Variants in COL24A1 observed in about 807,000 individuals in gnomAD.
The protein encoded by COL24A1 is collagen type XXIV alpha 1 chain.
Under a neutral mutation model 253.9 loss-of-function variants are expected in COL24A1, and 224 were observed. That is an observed-to-expected ratio of 0.88 (90% CI 0.79 to 0.99). The LOEUF is 0.99. Ranked by LOEUF, COL24A1 falls within the 50% of genes least tolerant of loss-of-function variation. COL24A1 has a pLI of 0.00. For synonymous variants in COL24A1, 685 were observed against 673.7 expected (o/e 1.02, Z -0.26); for missense variants, 2,131 against 2,068.5 (o/e 1.03, Z -0.59).
At chr1:86,135,353 A>C (rs1168862368) in intron 2 of COL24A1, among the ~76,000 whole-genome samples, 4 of 152,090 alleles carry the variant, frequency 2.6e-5, no homozygotes, top group Non-Finnish European at 5.9e-5. Flanking sequence ...ATTTACACTT[A>C]AGATTAATAT....
chr1:85,820,540 G>C (rs964719419), intron 45 of COL24A1, among the ~76,000 whole-genome samples: 1 of 152,224 alleles, frequency 6.6e-6, no homozygotes, highest in East Asian at 1.9e-4. Flanking sequence ...TGGGCCAAAA[G>C]TGATGATGTG....
chr1:85,961,305 G>T lies in COL24A1; in HGVS notation c.2518-12C>A, dbSNP rs1691036713. 1.9e-6 allele frequency: 3 copies of T among 1,595,000 alleles called. No individual in the cohort carries two copies. The highest frequency in any genetic ancestry group is 4.5e-5 in the East Asian group (2 of 44,348). ...TCTCCTACTTCTCCCTGTCAAAAAA[G>T]AATATAAAGTTGCAAAAACAGTTAT... On this transcript the variant is annotated splice_polypyrimidine_tract_variant and intron_variant, in intron 23 of 59. Coordinates refer to ENST00000370571, the MANE Select transcript of COL24A1 (RefSeq NM_152890.7).
intron 52 of COL24A1, among the ~76,000 whole-genome samples, chr1:85,776,358 A>C (rs866854780): frequency 6.6e-6 from 1 of 152,076 alleles, no homozygotes; most frequent in Non-Finnish European, 1.5e-5. Flanking sequence ...GGCCCATAAC[A>C]TCTTCTATTT....
intron 10 of COL24A1, among the ~76,000 whole-genome samples, chr1:86,051,591 G>A (rs751995557): frequency 6.6e-6 from 1 of 151,980 alleles, no homozygotes; most frequent in Non-Finnish European, 1.5e-5. Context: ...GGGTGGCAAG[G>A]GGTCATGTCA....
chr1:86,097,620 CTTCTTT>C (rs1438370718), intron 5 of COL24A1, among the ~76,000 whole-genome samples: 1 of 125,036 alleles, frequency 8.0e-6, no homozygotes, highest in Non-Finnish European at 1.7e-5. Context: ...CCTCCTCCTT[CTTCTTT>C]TTCTTATTCT....
At chr1:86,117,608 T>G (rs1706278073) in intron 3 of COL24A1, among the ~76,000 whole-genome samples, 1 of 152,226 alleles carries the variant, frequency 6.6e-6, no homozygotes, top group African/African-American at 2.4e-5. Context: ...AAGCACTAAA[T>G]TAAAATCAAT....
In COL24A1 at chr1:85,938,847, C is replaced by A. The variant is rs1481521360; in HGVS notation, c.2562+22402G>T. Among the ~76,000 whole-genome samples, 5 of 118,034 alleles carry A rather than the reference C, an allele frequency of 4.2e-5. 1 individual carries two copies. Among genetic ancestry groups the A allele is most frequent in the Non-Finnish European group, 7.5e-5 (4 of 53,140 alleles). 77.4% of individuals were successfully genotyped at this position (118,034 alleles called of 152,430 possible). A position where few individuals can be genotyped will look rare whatever the true frequency, so the allele number is the denominator to read the frequency against. ...AACTATAAAAGCCCAGTTACTTAAG[C>A]CTAGCATGGGACTACTCAGATGGGT... On this transcript the variant is annotated intron_variant, in intron 24 of 59. Transcript: ENST00000370571.
chr1:85,850,201 G>A (rs1293900419), intron 37 of COL24A1, among the ~76,000 whole-genome samples: 1 of 152,098 alleles, frequency 6.6e-6, no homozygotes, highest in Admixed American at 6.6e-5. Flanking sequence ...AGGCTTAAGT[G>A]AGTTCCACAG....
At chr1:85,997,878 A>G (rs957936193) in intron 19 of COL24A1, among the ~76,000 whole-genome samples, 10 of 152,292 alleles carry the variant, frequency 6.6e-5, no homozygotes, top group African/African-American at 1.7e-4. Flanking sequence ...TTAGATTGCT[A>G]AATCTGAGGG....
chr1:85,869,872 T>A (rs1286426007), intron 35 of COL24A1, among the ~76,000 whole-genome samples: 2 of 152,172 alleles, frequency 1.3e-5, no homozygotes, highest in Non-Finnish European at 2.9e-5. Flanking sequence ...GTAAATGGGC[T>A]AAATGCTCCA....
rs1318280460 is a variant in COL24A1, at chr1:85,785,048, T to A, written c.4060-682A>T. On this transcript the variant is annotated intron_variant, in intron 48 of 59. Transcript: ENST00000370571. ...GCCTGGCCAGAACTTGTATTTTGAA[T>A]TGATATCATTTTTCTGTGTTTTCCC... Among the ~76,000 whole-genome samples, 3 of 152,112 alleles carry A rather than the reference T, an allele frequency of 2.0e-5. No homozygotes were observed. In the East Asian group the frequency reaches 5.8e-4, roughly 29 times the overall value.
intron 37 of COL24A1, among the ~76,000 whole-genome samples, chr1:85,858,879 G>A (rs1287394104): frequency 1.3e-5 from 2 of 151,974 alleles, no homozygotes; most frequent in South Asian, 2.1e-4. Context: ...GGGACCACAG[G>A]TGTAAGCCAC....
chr1:86,101,880 G>A (rs536434553), intron 5 of COL24A1, among the ~76,000 whole-genome samples: 5 of 152,210 alleles, frequency 3.3e-5, no homozygotes, highest in African/African-American at 1.2e-4. Flanking sequence ...TTAGTATCGG[G>A]ATGATGCTGG....
At position 85,875,330 on chromosome 1, in the gene COL24A1, C is replaced by T; in HGVS notation, c.3031G>A (p.Gly1011Arg). The T allele has an allele frequency of 6.2e-7, 1 of 1,612,944 alleles. No homozygotes were observed. The highest frequency in any genetic ancestry group is 8.5e-7 in the Non-Finnish European group (1 of 1,179,142). The change falls in exon 34 of 60, where the codon GGA becomes AGA. Residue 1011 changes from glycine (G) to arginine (R), a missense_variant and splice_region_variant. Gly to Arg is a moderately radical substitution (Grantham distance 125). Transcript: ENST00000370571. ...GACTCTCCCTCAGTGCCTGGAGGTC[C>T]CTACAAGAGAATAATTTAACACATT... ...VGPPGEMGME[G>R]PPGTEGESGL...
intron 47 of COL24A1, among the ~76,000 whole-genome samples, chr1:85,797,997 A>G (rs1220177231): frequency 6.6e-6 from 1 of 152,070 alleles, no homozygotes; most frequent in East Asian, 1.9e-4. Context: ...GTTCAAGGCT[A>G]GCCTAGGCAA....
At chr1:85,822,851 T>C (rs540186193) in intron 45 of COL24A1, among the ~76,000 whole-genome samples, 3 of 152,282 alleles carry the variant, frequency 2.0e-5, no homozygotes, top group Admixed American at 1.3e-4. Context: ...CATCCCCCAG[T>C]TGATGTCTGA....
At chr1:86,145,309 C>T (rs911088663) in intron 2 of COL24A1, among the ~76,000 whole-genome samples, 2 of 152,070 alleles carry the variant, frequency 1.3e-5, no homozygotes, top group Admixed American at 6.5e-5. Context: ...GCTTTGGCAG[C>T]TCTGTGCAGA....
At chr1:86,021,570 A>G (rs1380501692) in intron 18 of COL24A1, among the ~76,000 whole-genome samples, 1 of 152,156 alleles carries the variant, frequency 6.6e-6, no homozygotes, top group East Asian at 1.9e-4. Context: ...GATTGTTGTG[A>G]AGATTAATTT....
At chr1:85,846,484 T>C (rs1007069811) in intron 39 of COL24A1, among the ~76,000 whole-genome samples, 4 of 151,916 alleles carry the variant, frequency 2.6e-5, no homozygotes, top group Admixed American at 2.6e-4. Flanking sequence ...ATATATTTTG[T>C]AACATATTTA....
Sources: allele counts gnomAD v4.1 joint callset (sites outside exome capture counted in the v4.1 genomes callset), GRCh38; gene constraint gnomAD v4.1.1; transcripts MANE v1.5; gene names NCBI Gene and HGNC (gene_info 2026-07-23, HGNC 2026-07-21).